The following DMD variants were observed in gnomAD, a reference collection of about 807,000 sequenced individuals.
The protein encoded by DMD is dystrophin.
In DMD, 63 loss-of-function variants were observed where a neutral mutation model predicts 330.1. The observed-to-expected ratio is 0.19, with a 90% confidence interval of 0.16 to 0.24. The LOEUF (loss-of-function observed/expected upper bound fraction) is 0.24. Ranked by LOEUF, DMD falls within the 10% of genes least tolerant of loss-of-function variation. The probability of loss-of-function intolerance (pLI) is 1.00; values close to 1 mark genes in which losing one functional copy is unlikely to be tolerated. For synonymous variants in DMD, 1,223 were observed against 959.8 expected (o/e 1.27, Z -5.07); for missense variants, 3,344 against 2,684.1 (o/e 1.25, Z -5.43).
chrX:31,517,307 C>T (rs1204130380), intron 55 of DMD, among the ~76,000 whole-genome samples: 1 of 111,264 alleles, frequency 9.0e-6, no homozygotes, highest in South Asian at 3.8e-4. Context: ...TCCTTCTAGT[C>T]CCCCTCTCAC....
intron 2 of DMD, among the ~76,000 whole-genome samples, chrX:32,942,900 T>A (rs1329473507): frequency 9.0e-6 from 1 of 111,562 alleles, no homozygotes; most frequent in East Asian, 2.8e-4. Flanking sequence ...CCCCATTTTA[T>A]CATGTGAAGG....
In DMD at chrX:32,168,924, C is replaced by T. The variant is rs185318170; in HGVS notation, c.6438+47992G>A. 1.2e-3 allele frequency among the ~76,000 whole-genome samples: 135 copies of T among 112,077 alleles called. 1 individual carries two copies. The highest frequency in any genetic ancestry group is 2.5e-3 in the Admixed American group (26 of 10,513). ...TAGTTCGTCTGTCCACATCAACCCA[C>T]TCCCTTCTTTTATTATCCCTGCTTT... On this transcript the variant is annotated intron_variant, in intron 44 of 78. Transcript: ENST00000357033.
At chrX:32,473,035 A>T (rs1429921801) in intron 21 of DMD, among the ~76,000 whole-genome samples, 1 of 111,135 alleles carries the variant, frequency 9.0e-6, no homozygotes. Context: ...AAACAAGTTT[A>T]TACGTTTTAA....
intron 2 of DMD, among the ~76,000 whole-genome samples, chrX:32,864,265 GAC>G (rs1270492568): frequency 8.9e-6 from 1 of 111,890 alleles, no homozygotes; most frequent in Admixed American, 9.5e-5. Context: ...TGATGAAACA[GAC>G]ACAATATAAG....
chrX:32,721,777 A>C (rs1234550976), intron 7 of DMD, among the ~76,000 whole-genome samples: 2 of 110,698 alleles, frequency 1.8e-5, no homozygotes, highest in Non-Finnish European at 3.8e-5. Flanking sequence ...ACTGTCAGAG[A>C]GCTTTTTCCT....
At chrX:32,526,276 C>A (rs369429818) in intron 17 of DMD, among the ~76,000 whole-genome samples, 69 of 111,989 alleles carry the variant, frequency 6.2e-4, no homozygotes, top group African/African-American at 2.1e-3. Context: ...GTCCTCTATT[C>A]TTCAAGTATA....
At chrX:33,247,413 T>C (rs2052685358) in intron 1 of DMD, among the ~76,000 whole-genome samples, 1 of 112,183 alleles carries the variant, frequency 8.9e-6, no homozygotes, top group Non-Finnish European at 1.9e-5. Flanking sequence ...ATTTTTGAGA[T>C]TGAAATATAA....
intron 1 of DMD, among the ~76,000 whole-genome samples, chrX:33,137,985 T>C (rs1223172033): frequency 1.8e-5 from 2 of 112,069 alleles, no homozygotes; most frequent in Non-Finnish European, 3.8e-5. Flanking sequence ...TGATTTTTAT[T>C]TGTTAATTTT....
At chrX:31,587,343 A>T (rs1217893830) in intron 55 of DMD, among the ~76,000 whole-genome samples, 1 of 112,043 alleles carries the variant, frequency 8.9e-6, no homozygotes, top group African/African-American at 3.2e-5. Context: ...TCTCACCACA[A>T]ATAAAGTGTA....
chrX:31,290,632 G>T (rs2053618359), intron 62 of DMD, among the ~76,000 whole-genome samples: 2 of 111,615 alleles, frequency 1.8e-5, no homozygotes, highest in African/African-American at 6.5e-5. Flanking sequence ...TCTAAAAAGT[G>T]TGTTCATATG....
chrX:31,446,628 C>T (rs56134945), intron 59 of DMD, among the ~76,000 whole-genome samples: 7,985 of 111,236 alleles, frequency 0.072, 238 homozygotes, highest in East Asian at 0.2. Flanking sequence ...TTAAAAGTAT[C>T]AGAATAAGGG....
rs1569199574 is a variant in DMD at position 32,558,944 on chromosome X, T to TTTTTTTTTTTTTC, written c.1992+6757_1992+6758insGAAAAAAAAAAAA. On this transcript the variant is annotated intron_variant, in intron 16 of 78. Coordinates refer to ENST00000357033, the MANE Select transcript of DMD (RefSeq NM_004006.3). ...AGATGTAACTTCAAATTTTCTTTTT[T>TTTTTTTTTTTTTC]TTTTTTTTTTTTTTTTTTTTTTTTG... Among the ~76,000 whole-genome samples, 203 of 38,216 alleles carry TTTTTTTTTTTTTC rather than the reference T, an allele frequency of 5.3e-3. 3 individuals are homozygous for TTTTTTTTTTTTTC. Among genetic ancestry groups the TTTTTTTTTTTTTC allele is most frequent in the African/African-American group, 0.014 (172 of 11,998 alleles). 33.2% of individuals were successfully genotyped at this position (38,216 alleles called of 115,157 possible).
At chrX:31,794,566 A>G (rs1419461360) in intron 50 of DMD, among the ~76,000 whole-genome samples, 4 of 112,063 alleles carry the variant, frequency 3.6e-5, no homozygotes, top group Non-Finnish European at 5.6e-5. Flanking sequence ...TTCATTGTTC[A>G]TGGTTTCTTG....
At chrX:31,129,179 A>C (rs1006160912) in intron 77 of DMD, among the ~76,000 whole-genome samples, 5 of 111,390 alleles carry the variant, frequency 4.5e-5, no homozygotes, top group African/African-American at 1.6e-4. Flanking sequence ...ATTGTAATTC[A>C]TTATTTTAGA....
At chrX:31,371,253 T>C (rs1222817660) in intron 60 of DMD, among the ~76,000 whole-genome samples, 2 of 111,169 alleles carry the variant, frequency 1.8e-5, no homozygotes, top group African/African-American at 6.6e-5. Flanking sequence ...TGAGATCTAG[T>C]AGTTCTCAGT....
intron 2 of DMD, among the ~76,000 whole-genome samples, chrX:32,964,420 T>C (rs2092045317): frequency 1.8e-5 from 2 of 110,651 alleles, no homozygotes; most frequent in Non-Finnish European, 3.8e-5. Context: ...CAGAGTTCTC[T>C]TTATAAGCCG....
intron 7 of DMD, among the ~76,000 whole-genome samples, chrX:32,761,472 T>A (rs774833278): frequency 4.3e-4 from 48 of 112,256 alleles, no homozygotes; most frequent in South Asian, 1.1e-3. Flanking sequence ...CCAATGTAAC[T>A]TATACACACA....
At chrX:33,247,529 T>C (rs1470865375) in intron 1 of DMD, among the ~76,000 whole-genome samples, 2 of 111,842 alleles carry the variant, frequency 1.8e-5, no homozygotes, top group African/African-American at 6.5e-5. Context: ...TGTTCTACTA[T>C]AAAACCAATT....
Position 32,252,701 on chromosome X carries a change from TATATAA to T in DMD, c.6290+34822_6290+34827del, listed in dbSNP as rs1460343579. Among the ~76,000 whole-genome samples the T allele has an allele frequency of 7.4e-3, 331 of 44,706 alleles. 12 individuals carry two copies. Among genetic ancestry groups the T allele is most frequent in the African/African-American group, 0.024 (258 of 10,756 alleles). 38.8% of individuals were successfully genotyped at this position (44,706 alleles called of 115,157 possible). The stretch of plus-strand genomic sequence containing the variant: ...AAATATATAAATATATATATAAATA[TATATAA>T]ATATATAAATATATATAAATATATA... On this transcript the variant is annotated intron_variant, in intron 43 of 78. Coordinates refer to ENST00000357033, the MANE Select transcript of DMD (RefSeq NM_004006.3).
Sources: allele counts gnomAD v4.1 joint callset (sites outside exome capture counted in the v4.1 genomes callset), GRCh38; gene constraint gnomAD v4.1.1; transcripts MANE v1.5; gene names NCBI Gene and HGNC (gene_info 2026-07-23, HGNC 2026-07-21).